GNB1L: variants seen among roughly 807,000 people sequenced by gnomAD.
GNB1L encodes guanine nucleotide-binding protein subunit beta-like protein 1.
In GNB1L, 20 loss-of-function variants were observed where a neutral mutation model predicts 29.1. That is an observed-to-expected ratio of 0.69 (90% confidence interval 0.48 to 1.00). GNB1L has a LOEUF of 1.00. Among genes scored for constraint, GNB1L ranks in the 50% least tolerant of loss-of-function variants. The probability of loss-of-function intolerance (pLI) is 0.00; values close to 1 mark genes in which losing one functional copy is unlikely to be tolerated. For missense variants in GNB1L, 421 were observed against 464.9 expected, an observed-to-expected ratio of 0.91 and a Z score of 0.87; for synonymous variants, 193 against 206.5, an observed-to-expected ratio of 0.93 and a Z score of 0.56.
chr22:19,812,517 G>A (rs1030337291), intron 4 of GNB1L, 70 bp from the exon 5 acceptor site: 26 of 1,413,112 alleles, frequency 1.8e-5, no homozygotes, highest in Middle Eastern at 2.0e-4. Flanking sequence ...CCCCTGCAGC[G>A]GAAGGAAGGC....
intron 3 of GNB1L, 35 bp downstream of exon 3, chr22:19,821,193 C>T (rs1476970820): frequency 1.9e-6 from 3 of 1,592,320 alleles, no homozygotes; most frequent in African/African-American, 1.3e-5. Flanking sequence ...TGACTTGGCC[C>T]TGGGTGGCCT....
intron 2 of GNB1L, among the ~76,000 whole-genome samples, chr22:19,824,793 A>C (rs1937606570): frequency 1.3e-5 from 2 of 152,092 alleles, no homozygotes; most frequent in African/African-American, 2.4e-5. Flanking sequence ...AAACCCACCC[A>C]CACCTGCAGG....
intron 7 of GNB1L, among the ~76,000 whole-genome samples, chr22:19,791,259 ATC>A (rs1937250651): frequency 1.3e-5 from 2 of 152,218 alleles, no homozygotes; most frequent in Admixed American, 1.3e-4. Context: ...AACTGTAAAT[ATC>A]TGTTTAGCCA....
chr22:19,810,341 C>T (rs1937484785), intron 5 of GNB1L, among the ~76,000 whole-genome samples: 1 of 151,836 alleles, frequency 6.6e-6, no homozygotes, highest in Non-Finnish European at 1.5e-5. Flanking sequence ...ACATCAAGGG[C>T]AAAGGACTTG....
intron 4 of GNB1L, among the ~76,000 whole-genome samples, chr22:19,820,151 C>A (rs1208835881): frequency 6.6e-6 from 1 of 152,158 alleles, no homozygotes; most frequent in Non-Finnish European, 1.5e-5. Flanking sequence ...GGGCAGTGGG[C>A]AGGGAGGCCC....
At chr22:19,794,850 G>T (rs975464633) in intron 7 of GNB1L, among the ~76,000 whole-genome samples, 4 of 152,074 alleles carry the variant, frequency 2.6e-5, no homozygotes, top group African/African-American at 9.7e-5. Context: ...GTGTGGTGGC[G>T]TGTGCCTGTA....
chr22:19,823,975 C>A (rs897971328), intron 2 of GNB1L, among the ~76,000 whole-genome samples: 23 of 152,240 alleles, frequency 1.5e-4, no homozygotes, highest in African/African-American at 5.5e-4. Context: ...CCGGCCCCCA[C>A]ATGCCACCTG....
At chr22:19,789,648 A>C (rs979818700) in intron 7 of GNB1L, among the ~76,000 whole-genome samples, 1 of 151,972 alleles carries the variant, frequency 6.6e-6, no homozygotes, top group Non-Finnish European at 1.5e-5. Flanking sequence ...GACAGGTCCT[A>C]CGTGCACGGG....
chr22:19,823,406 G>A (rs1040927279), intron 2 of GNB1L, among the ~76,000 whole-genome samples: 4 of 152,232 alleles, frequency 2.6e-5, no homozygotes, highest in Admixed American at 6.5e-5. Context: ...GGCTGGAACA[G>A]CTGCCCTCAG....
Position 19,851,121 on chromosome 22 carries a change from G to A in GNB1L, c.-21+3322C>T, listed in dbSNP as rs776691320. Reference sequence around the variant, plus strand: ...GACTATGGGGCGCTCAAGCCACACAGGCCACTTCATCATGAGGGGCAGCAT... The same window carrying A: ...GACTATGGGGCGCTCAAGCCACACAAGCCACTTCATCATGAGGGGCAGCAT... On this transcript the variant is annotated intron_variant, in intron 2 of 7. Coordinates refer to ENST00000329517, the MANE Select transcript of GNB1L (RefSeq NM_053004.3). The A allele has an allele frequency of 1.2e-5, 19 of 1,535,508 alleles. No individual in the cohort carries two copies. The East Asian group carries it at 3.7e-4, about 30-fold the overall frequency.
chr22:19,845,580 G>C (rs1243996470), intron 2 of GNB1L, among the ~76,000 whole-genome samples: 1 of 152,228 alleles, frequency 6.6e-6, no homozygotes, highest in Non-Finnish European at 1.5e-5. Flanking sequence ...GCTGGGGGTG[G>C]TTCCTGAGGC....
chr22:19,833,943 C>T (rs1488660259), intron 2 of GNB1L, among the ~76,000 whole-genome samples: 3 of 150,378 alleles, frequency 2.0e-5, no homozygotes, highest in Non-Finnish European at 3.0e-5. Context: ...TGAAATTATT[C>T]AATATAAGAT....
At chr22:19,838,278 A>C (rs1469965754) in intron 2 of GNB1L, among the ~76,000 whole-genome samples, 2 of 152,148 alleles carry the variant, frequency 1.3e-5, no homozygotes, top group African/African-American at 4.8e-5. Flanking sequence ...AGGGAAATGC[A>C]ACTTATGCCC....
intron 2 of GNB1L, among the ~76,000 whole-genome samples, chr22:19,823,079 T>G (rs1398475705): frequency 6.6e-6 from 1 of 152,178 alleles, no homozygotes; most frequent in Non-Finnish European, 1.5e-5. Flanking sequence ...CCACCCTGCC[T>G]GGCGAGAGAC....
rs1391967636 is a variant in GNB1L at position 19,784,405 on chromosome 22, A to G, written c.*4304T>C. The G allele has an allele frequency of 1.3e-5, 2 of 152,124 alleles. No individual in the cohort carries two copies. Among genetic ancestry groups the G allele is most frequent in the Non-Finnish European group, 2.9e-5 (2 of 68,026 alleles). 9.4% of individuals were successfully genotyped at this position (152,124 alleles called of 1,614,324 possible). On this transcript the variant is annotated 3_prime_UTR_variant, in exon 8 of 8. Coordinates refer to ENST00000329517, the MANE Select transcript of GNB1L (RefSeq NM_053004.3). ...CCTCGGTGTCTACGTGCCAAGCCCA[A>G]TCTGCCTGCAGGGACACCCACTGCC...
intron 2 of GNB1L, among the ~76,000 whole-genome samples, chr22:19,825,123 C>T (rs753722235): frequency 5.3e-5 from 8 of 152,244 alleles, no homozygotes; most frequent in East Asian, 1.9e-4. Flanking sequence ...AAGGACAGGC[C>T]GCACAGGCCG....
intron 7 of GNB1L, among the ~76,000 whole-genome samples, chr22:19,796,698 T>A (rs972684485): frequency 1.3e-5 from 2 of 152,024 alleles, no homozygotes; most frequent in African/African-American, 2.4e-5. Context: ...AGGAAGACAA[T>A]GTCTTCTTGC....
intron 2 of GNB1L, among the ~76,000 whole-genome samples, chr22:19,841,195 A>G (rs1322718590): frequency 2.0e-5 from 3 of 152,226 alleles, no homozygotes; most frequent in African/African-American, 7.2e-5. Context: ...GCTGACAGGA[A>G]AAAGGGCTCA....
In GNB1L at chr22:19,786,226, T is replaced by A. The variant is rs971000117; in HGVS notation, c.*2483A>T. 1 of 152,304 alleles carries A rather than the reference T, an allele frequency of 6.6e-6. No individual in the cohort carries two copies. The highest frequency in any genetic ancestry group is 2.4e-5 in the African/African-American group (1 of 41,454). 9.4% of individuals were successfully genotyped at this position (152,304 alleles called of 1,614,324 possible). ...TGTGTTAGGCATGCAGGACTCACGC[T>A]GTCCCGACTCCATCCCTGCACACTG... On this transcript the variant is annotated 3_prime_UTR_variant, in exon 8 of 8. Coordinates refer to ENST00000329517, the MANE Select transcript of GNB1L (RefSeq NM_053004.3).
Sources: gnomAD v4.1 joint callset for allele counts (sites outside exome capture counted in the v4.1 genomes callset) on GRCh38, gnomAD v4.1.1 for gene constraint, MANE v1.5 for transcripts, NCBI Gene and HGNC (gene_info 2026-07-23, HGNC 2026-07-21) for gene names.